TXLNB: variants seen among roughly 807,000 people sequenced by gnomAD.
TXLNB encodes beta-taxilin.
Under a neutral mutation model 57.4 loss-of-function variants are expected in TXLNB, and 37 were observed. That is an observed-to-expected ratio of 0.64 (90% CI 0.50 to 0.85). The LOEUF is 0.85. TXLNB is among the 40% of genes least tolerant of loss of function. TXLNB has a pLI of 0.00. For missense variants in TXLNB, 848 were observed against 825.6 expected (o/e 1.03, Z -0.33); for synonymous variants, 302 against 309.6 (o/e 0.98, Z 0.26).
upstream of TXLNB, among the ~76,000 whole-genome samples, chr6:139,295,109 T>C (rs971138551): frequency 2.0e-5 from 3 of 152,172 alleles, no homozygotes; most frequent in Admixed American, 6.5e-5. Flanking sequence ...GTAGTGCTAA[T>C]TGGCCCTAAC....
the TXLNB span, among the ~76,000 whole-genome samples, chr6:139,210,438 T>C: frequency 2.6e-5 from 4 of 152,148 alleles, no homozygotes; most frequent in Non-Finnish European, 4.4e-5. Context: ...CAATTCACAA[T>C]TGCAAAAATA....
the TXLNB span, among the ~76,000 whole-genome samples, chr6:139,221,841 C>T: frequency 3.9e-5 from 6 of 152,108 alleles, no homozygotes; most frequent in South Asian, 2.1e-4. Flanking sequence ...GATTAGATGG[C>T]GTTAAAATGT....
At chr6:139,274,088 G>C (rs1188082347) in intron 3 of TXLNB, among the ~76,000 whole-genome samples, 1 of 152,132 alleles carries the variant, frequency 6.6e-6, no homozygotes, top group Non-Finnish European at 1.5e-5. Context: ...TCCTATTACT[G>C]ATGTTGTCTT....
the TXLNB span, among the ~76,000 whole-genome samples, chr6:139,313,756 A>T: frequency 1.3e-5 from 2 of 152,150 alleles, no homozygotes; most frequent in South Asian, 4.1e-4. Flanking sequence ...TATTTTTTTC[A>T]CAAAATAGGA....
At chr6:139,258,726 C>G (rs1199289866) in intron 6 of TXLNB, among the ~76,000 whole-genome samples, 2 of 152,170 alleles carry the variant, frequency 1.3e-5, no homozygotes, top group Non-Finnish European at 2.9e-5. Flanking sequence ...TTACCTCTCT[C>G]TCACCCCAGC....
chr6:139,192,283 G>A, the TXLNB span, among the ~76,000 whole-genome samples: 2 of 152,144 alleles, frequency 1.3e-5, no homozygotes, highest in Admixed American at 1.3e-4. Context: ...TAAAATCCTT[G>A]AATACAGTCT....
At chr6:139,247,946 T>G (rs1776106315) in intron 7 of TXLNB, 37 bp from the exon 8 acceptor site, 3 of 1,256,236 alleles carry the variant, frequency 2.4e-6, no homozygotes, top group Non-Finnish European at 3.4e-6. Flanking sequence ...TTCAGAATAC[T>G]TCCAGAAGAA....
chr6:139,260,198 T>A, intron 6 of TXLNB, 120 bp downstream of exon 6: 2 of 1,214,358 alleles, frequency 1.6e-6, no homozygotes, highest in Non-Finnish European at 2.2e-6. Flanking sequence ...TCAGCCTGAA[T>A]GACAGAACGA....
chr6:139,248,488 C>T (rs1481381770), intron 7 of TXLNB, among the ~76,000 whole-genome samples: 4 of 150,720 alleles, frequency 2.7e-5, no homozygotes, highest in African/African-American at 9.8e-5. Flanking sequence ...AAGAGCAAAA[C>T]TCTGTCTCCA....
Position 139,242,407 on chromosome 6 carries a change from T to C in TXLNB, c.*119A>G. 1 of 793,994 alleles carries C rather than the reference T, an allele frequency of 1.3e-6. No individual in the cohort carries two copies. Among genetic ancestry groups the C allele is most frequent in the South Asian group, 4.9e-5 (1 of 20,500 alleles). The allele number at this position is 793,994 out of a possible 1,614,324, so 49.2% of individuals were successfully genotyped here. A position where few individuals can be genotyped will look rare whatever the true frequency, so the allele number is the denominator to read the frequency against. On this transcript the variant is annotated 3_prime_UTR_variant, in exon 10 of 10. Coordinates refer to ENST00000358430, the MANE Select transcript of TXLNB (RefSeq NM_153235.4). ...GTGTTCTGCCTAACATTAAAAAATG[T>C]CTTGATCCTAAGTCTCTTCCATTTG...
intron 4 of TXLNB, among the ~76,000 whole-genome samples, chr6:139,268,304 C>T (rs530215343): frequency 1.4e-4 from 21 of 151,904 alleles, no homozygotes; most frequent in Non-Finnish European, 2.2e-4. Flanking sequence ...TTAAAATAAG[C>T]GGACAATTCC....
At chr6:139,179,921 ATTAT>A in the TXLNB span, 2 of 152,142 alleles carry the variant, frequency 1.3e-5, no homozygotes, top group Non-Finnish European at 2.9e-5. Flanking sequence ...ATATTTTTTA[ATTAT>A]TTATTTTTAA....
chr6:139,261,953 G>C (rs1776493524), intron 5 of TXLNB, among the ~76,000 whole-genome samples: 1 of 146,952 alleles, frequency 6.8e-6, no homozygotes, highest in Non-Finnish European at 1.5e-5. Flanking sequence ...GCCTGGGCTG[G>C]AGTGCAGTGG....
chr6:139,246,870 C>T (rs1383413676), intron 8 of TXLNB, among the ~76,000 whole-genome samples: 3 of 149,936 alleles, frequency 2.0e-5, no homozygotes, highest in East Asian at 2.0e-4. Context: ...GCCAAGATCG[C>T]ACCATTGCAC....
the TXLNB span, among the ~76,000 whole-genome samples, chr6:139,161,211 C>A: frequency 2.0e-5 from 3 of 152,172 alleles, no homozygotes; most frequent in African/African-American, 7.2e-5. Flanking sequence ...CCCATTTTGC[C>A]TGTCTCCCTG....
chr6:139,248,037 T>A (rs1776108271), intron 7 of TXLNB, 128 bp from the exon 8 acceptor site: 1 of 516,828 alleles, frequency 1.9e-6, no homozygotes, highest in East Asian at 3.5e-5. Context: ...ACTACAAGAT[T>A]AACCTAGGCC....
downstream of TXLNB, among the ~76,000 whole-genome samples, chr6:139,235,125 G>A (rs370888374): frequency 1.3e-5 from 2 of 152,294 alleles, no homozygotes; most frequent in East Asian, 3.9e-4. Context: ...CCTCCGGCCT[G>A]TGCCCACAGA....
the TXLNB span, chr6:139,174,585 C>T: frequency 6.3e-7 from 1 of 1,594,576 alleles, no homozygotes. Flanking sequence ...TATTAGGCTT[C>T]TGTCCCCAAG....
At chr6:139,321,235 G>C in the TXLNB span, among the ~76,000 whole-genome samples, 1 of 152,160 alleles carries the variant, frequency 6.6e-6, no homozygotes, top group East Asian at 1.9e-4. Context: ...CAAGATGATG[G>C]CATTAGGAGA....
Sources: gnomAD v4.1 joint callset for allele counts (sites outside exome capture counted in the v4.1 genomes callset) on GRCh38, gnomAD v4.1.1 for gene constraint, MANE v1.5 for transcripts, NCBI Gene and HGNC (gene_info 2026-07-23, HGNC 2026-07-21) for gene names.